The following UTP20 variants were observed in gnomAD, a reference collection of about 807,000 sequenced individuals.
UTP20 encodes the protein small subunit processome component 20 homolog.
In UTP20, 164 loss-of-function variants were observed where a neutral mutation model predicts 329.5. The observed-to-expected ratio is 0.50, with a 90% CI of 0.44 to 0.57. The LOEUF (loss-of-function observed/expected upper bound fraction) is 0.57, where lower values mean the gene tolerates loss of function less well. UTP20 is among the 20% of genes least tolerant of loss of function. The probability of loss-of-function intolerance (pLI) is 0.00; values close to 1 mark genes in which losing one functional copy is unlikely to be tolerated. For missense variants in UTP20, 3,055 were observed against 3,284.2 expected, an observed-to-expected ratio of 0.93 and a Z score of 1.71; for synonymous variants, 1,151 against 1,159.3, an observed-to-expected ratio of 0.99 and a Z score of 0.14.
At chr12:101,303,629 G>C (rs1263257395) in intron 15 of UTP20, among the ~76,000 whole-genome samples, 2 of 152,182 alleles carry the variant, frequency 1.3e-5, no homozygotes, top group African/African-American at 4.8e-5. Context: ...AGAGTGGGCT[G>C]TAGGAGAAGA....
rs555652792 is a variant in UTP20 at position 101,314,794 on chromosome 12, G to A, written c.2552+2518G>A. On this transcript the variant is annotated intron_variant, in intron 21 of 61. Transcript: ENST00000261637. ...CCGGGGCAGAGAGGGAGCTGTTGTCGTTGGGGTTAAGACTTAACAGTGTTG... is the reference window on the plus strand; with the variant it reads ...CCGGGGCAGAGAGGGAGCTGTTGTCATTGGGGTTAAGACTTAACAGTGTTG... 7.9e-5 allele frequency among the ~76,000 whole-genome samples: 12 copies of A among 152,092 alleles called. No homozygotes were observed. In the Middle Eastern group the frequency reaches 0.01, roughly 129 times the overall value.
intron 11 of UTP20, among the ~76,000 whole-genome samples, chr12:101,294,128 C>A (rs1872266477): frequency 6.6e-6 from 1 of 151,862 alleles, no homozygotes; most frequent in South Asian, 2.1e-4. Flanking sequence ...CTCTGCCTCC[C>A]AGGTTCATGC....
chr12:101,385,181 C>T (rs182155063), intron 60 of UTP20, among the ~76,000 whole-genome samples: 1 of 151,580 alleles, frequency 6.6e-6, no homozygotes, highest in South Asian at 2.1e-4. Context: ...TCTTACTTTT[C>T]CCCCCATCTG....
At position 101,379,396 on chromosome 12, in the gene UTP20, T is replaced by G. The variant is rs1249790153; in HGVS notation, c.7422T>G (p.His2474Gln). ...GTCATGTGCATTCTCACCTGAGACA[T>G]CCACACAACTGGGTGTGGCTCACAG... Reference protein sequence around the residue: ...IWSHVHSHLRHPHNWVWLTAA... With the variant: ...IWSHVHSHLRQPHNWVWLTAA... The change falls in exon 57 of 62, where the codon CAT becomes CAG. Residue 2474 changes from histidine (H) to glutamine (Q), a missense_variant. This residue lies in a region of UTP20 where 273 missense variants were observed against 363.1 expected (regional missense o/e 0.75). Coordinates refer to ENST00000261637, the MANE Select transcript of UTP20 (RefSeq NM_014503.3). 4 of 1,612,064 alleles carry G rather than the reference T, an allele frequency of 2.5e-6. No individual in the cohort carries two copies. Among genetic ancestry groups the G allele is most frequent in the Admixed American group, 1.7e-5 (1 of 59,828 alleles).
rs1491232820 is a variant in UTP20, at chr12:101,365,071, ATT to A, written c.5959-387_5959-386del. 6.0e-4 allele frequency among the ~76,000 whole-genome samples: 43 copies of A among 71,668 alleles called. No homozygotes were observed. In the East Asian group the frequency reaches 0.015, roughly 26 times the overall value. The allele number at this position is 71,668 out of a possible 152,430, so 47.0% of individuals were successfully genotyped here. On this transcript the variant is annotated intron_variant, in intron 45 of 61. Transcript: ENST00000261637. Reference sequence around the variant, plus strand: ...TATGAGGAGTGAATACATTTTGTTGATTGTGTGTGTGTGTGTGTGTGTGTGTG... The same window carrying A: ...TATGAGGAGTGAATACATTTTGTTGAGTGTGTGTGTGTGTGTGTGTGTGTG...
chr12:101,344,934 CTTTTTTTTTTTTTTT>C (rs11417670), intron 36 of UTP20, among the ~76,000 whole-genome samples, 184 bp downstream of exon 36: 4 of 61,564 alleles, frequency 6.5e-5, no homozygotes, highest in Admixed American at 4.4e-4. Context: ...CTTTTTTTTG[CTTTTTTTTTTTTTTT>C]TTTTTTTTTT....
At chr12:101,331,118 A>G (rs1379669565) in intron 27 of UTP20, among the ~76,000 whole-genome samples, 1 of 152,234 alleles carries the variant, frequency 6.6e-6, no homozygotes, top group Admixed American at 6.5e-5. Flanking sequence ...AAACTCAATC[A>G]TATTGACTGT....
At chr12:101,341,773 C>T (rs550845020) in intron 32 of UTP20, among the ~76,000 whole-genome samples, 6 of 152,082 alleles carry the variant, frequency 3.9e-5, no homozygotes, top group African/African-American at 9.6e-5. Context: ...GGCATGGTGG[C>T]GTATGTCTGT....
Position 101,367,941 on chromosome 12 carries a change from C to G in UTP20, c.6349C>G (p.Leu2117Val). 1.2e-6 allele frequency: 2 copies of G among 1,613,670 alleles called. No homozygotes were observed. The highest frequency in any genetic ancestry group is 1.7e-6 in the Non-Finnish European group (2 of 1,179,684). The change falls in exon 48 of 62, where the codon CTC (leucine) becomes GTC (valine). Residue 2117 changes from leucine (L) to valine (V), a missense_variant. By Grantham distance (32) the Leu-to-Val change is conservative. Coordinates refer to ENST00000261637, the MANE Select transcript of UTP20 (RefSeq NM_014503.3). ...VLEMLDPFVS[L>V]LIDCLGSMDV... is the part of the protein sequence containing the mutation. ...GGAAATGCTGGATCCTTTTGTGTCT[C>G]TCCTCATAGACTGCCTGGGCTCCAT...
At chr12:101,374,694 A>G in intron 54 of UTP20, 114 bp from the exon 55 acceptor site, 2 of 643,648 alleles carry the variant, frequency 3.1e-6, no homozygotes, top group Non-Finnish European at 5.4e-6. Context: ...CATCAGAAAG[A>G]AATGTTTATT....
rs1175799092 is a variant in UTP20, at chr12:101,345,705, AT to A, written c.4746+13del. 6.2e-7 allele frequency: 1 copy of A among 1,602,634 alleles called. No individual in the cohort carries two copies. Among genetic ancestry groups the A allele is most frequent in the South Asian group, 1.1e-5 (1 of 88,596 alleles). On this transcript the variant is annotated intron_variant, in intron 37 of 61. Transcript: ENST00000261637. ...ATGAAGCACATTCAGGTAGAAGACA[AT>A]TCTGCTTTTTCCTACCTACGACATA... is the stretch of plus-strand genomic sequence containing the variant.
At position 101,324,918 on chromosome 12, in the gene UTP20, AT is replaced by A. The variant is rs542678018; in HGVS notation, c.3042-2157del. Among the ~76,000 whole-genome samples the A allele has an allele frequency of 1.5e-4, 23 of 152,180 alleles. No individual in the cohort carries two copies. In the East Asian group the frequency reaches 1.7e-3, roughly 11 times the overall value. ...TTGTAGAGGGAATTTTCCATTTTAT[AT>A]TTTTTAGCTTATTTTTGCTACATAA... On this transcript the variant is annotated intron_variant, in intron 25 of 61. Transcript: ENST00000261637.
At chr12:101,318,824 C>A (rs1474373284) in intron 22 of UTP20, among the ~76,000 whole-genome samples, 1 of 131,416 alleles carries the variant, frequency 7.6e-6, no homozygotes, top group Non-Finnish European at 1.6e-5. Context: ...GATTGAGACT[C>A]CATCTTGAAA....
Position 101,342,609 on chromosome 12 carries a change from A to G in UTP20, c.4245+20A>G. On this transcript the variant is annotated intron_variant, in intron 33 of 61. Coordinates refer to ENST00000261637, the MANE Select transcript of UTP20 (RefSeq NM_014503.3). ...TTTGAGGTCTGTACTATTCATTTTTACTCCAAATCACCCTTTTAAAAAAAT... is the reference window on the plus strand; with the variant it reads ...TTTGAGGTCTGTACTATTCATTTTTGCTCCAAATCACCCTTTTAAAAAAAT... 6.3e-7 allele frequency: 1 copy of G among 1,590,458 alleles called. No individual in the cohort carries two copies. The highest frequency in any genetic ancestry group is 2.2e-5 in the East Asian group (1 of 44,752).
At chr12:101,291,194 A>G (rs1872134775) in intron 8 of UTP20, 2 of 223,490 alleles carry the variant, frequency 8.9e-6, no homozygotes, top group Admixed American at 1.1e-4. Context: ...TCTTCAGATA[A>G]TAAATGGGGG....
intron 4 of UTP20, 65 bp downstream of exon 4, chr12:101,285,946 T>G (rs1871947819): frequency 6.3e-7 from 1 of 1,584,458 alleles, no homozygotes; most frequent in African/African-American, 1.4e-5. Flanking sequence ...AGATTGTGTT[T>G]CAAAGCTACA....
chr12:101,341,969 G>T (rs943833306), intron 32 of UTP20, among the ~76,000 whole-genome samples: 1 of 152,024 alleles, frequency 6.6e-6, no homozygotes, highest in Non-Finnish European at 1.5e-5. Flanking sequence ...AACTATTTAC[G>T]TAGCATTTAC....
At chr12:101,332,492 G>A (rs1321393337) in intron 27 of UTP20, among the ~76,000 whole-genome samples, 1 of 152,104 alleles carries the variant, frequency 6.6e-6, no homozygotes, top group Non-Finnish European at 1.5e-5. Flanking sequence ...TCAATAAATT[G>A]TCCTACTCTG....
intron 12 of UTP20, among the ~76,000 whole-genome samples, chr12:101,298,536 G>A (rs1872429918): frequency 6.6e-6 from 1 of 152,102 alleles, no homozygotes; most frequent in African/African-American, 2.4e-5. Flanking sequence ...AGGAGATGGA[G>A]GTGGGTGAGG....
Sources: allele counts gnomAD v4.1 joint callset (sites outside exome capture counted in the v4.1 genomes callset), GRCh38; gene constraint gnomAD v4.1.1; regional missense constraint gnomAD v4.1.1; transcripts MANE v1.5; gene names NCBI Gene and HGNC (gene_info 2026-07-23, HGNC 2026-07-21).